SPOCK1: variants seen among roughly 807,000 people sequenced by gnomAD.
SPOCK1 encodes the protein SPARC (osteonectin), cwcv and kazal like domains proteoglycan 1, also known as testican-1.
Under a neutral mutation model 55.3 loss-of-function variants are expected in SPOCK1, and 23 were observed. That is an observed-to-expected ratio of 0.42 (90% CI 0.30 to 0.59). The LOEUF is 0.59. Ranked by LOEUF, SPOCK1 falls within the 20% of genes least tolerant of loss-of-function variation. SPOCK1 has a pLI of 0.22. For missense variants in SPOCK1, 499 were observed against 552.5 expected, an observed-to-expected ratio of 0.90 and a Z score of 0.97; for synonymous variants, 226 against 221.0, an observed-to-expected ratio of 1.02 and a Z score of -0.20.
chr5:137,099,568 A>G (rs1473991778), intron 5 of SPOCK1, among the ~76,000 whole-genome samples: 1 of 110,118 alleles, frequency 9.1e-6, no homozygotes, highest in African/African-American at 4.0e-5. Context: ...AAAAAAATAT[A>G]TATGTGTGTG....
chr5:137,168,149 A>C (rs1445731970), intron 3 of SPOCK1, among the ~76,000 whole-genome samples: 1 of 152,108 alleles, frequency 6.6e-6, no homozygotes, highest in Non-Finnish European at 1.5e-5. Context: ...TGGCACTGAG[A>C]AAACTGGATA....
At chr5:137,087,423 G>T (rs553735234) in intron 5 of SPOCK1, among the ~76,000 whole-genome samples, 1 of 152,256 alleles carries the variant, frequency 6.6e-6, no homozygotes. Flanking sequence ...GATCACAGAA[G>T]TAAAGTGCTT....
intron 2 of SPOCK1, among the ~76,000 whole-genome samples, chr5:137,419,971 A>G (rs1752449426): frequency 6.6e-6 from 1 of 152,212 alleles, no homozygotes; most frequent in Admixed American, 6.5e-5. Context: ...GATACGTCCC[A>G]TCAATACCAA....
intron 2 of SPOCK1, among the ~76,000 whole-genome samples, chr5:137,270,834 C>A (rs1323272024): frequency 3.3e-5 from 5 of 152,102 alleles, no homozygotes; most frequent in East Asian, 1.9e-4. Context: ...GAAACCATAT[C>A]TCTACTAACA....
intron 3 of SPOCK1, among the ~76,000 whole-genome samples, chr5:137,162,358 C>T (rs995653741): frequency 1.3e-5 from 2 of 151,922 alleles, no homozygotes; most frequent in African/African-American, 4.8e-5. Context: ...AAGCTGGTCT[C>T]GAACTCCTGA....
rs1752147909 is a variant in SPOCK1 at position 137,048,813 on chromosome 5, G to A, written c.589+18902C>T. 4.1e-5 allele frequency among the ~76,000 whole-genome samples: 4 copies of A among 97,494 alleles called. No homozygotes were observed. The Admixed American group carries it at 4.9e-4, about 12-fold the overall frequency. 64.0% of individuals were successfully genotyped at this position (97,494 alleles called of 152,430 possible). On this transcript the variant is annotated intron_variant, in intron 6 of 10. Transcript: ENST00000394945. Reference sequence around the variant, plus strand: ...CTTTCCATGTTTAGCGCTTCCTTCAGGAGCTCTTTTAGGGCAGGCCTGGTG... The same window carrying A: ...CTTTCCATGTTTAGCGCTTCCTTCAAGAGCTCTTTTAGGGCAGGCCTGGTG...
intron 3 of SPOCK1, among the ~76,000 whole-genome samples, chr5:137,175,975 T>C (rs1754843835): frequency 6.6e-6 from 1 of 152,224 alleles, no homozygotes; most frequent in Non-Finnish European, 1.5e-5. Flanking sequence ...AGGCTTGCAC[T>C]GCCCACATGT....
At chr5:137,226,384 C>T (rs925850574) in intron 3 of SPOCK1, among the ~76,000 whole-genome samples, 4 of 152,278 alleles carry the variant, frequency 2.6e-5, no homozygotes, top group African/African-American at 4.8e-5. Flanking sequence ...CTCCTTGCCC[C>T]GAGGGGTGAA....
chr5:137,339,000 T>C (rs192458265), intron 2 of SPOCK1, among the ~76,000 whole-genome samples: 73 of 152,312 alleles, frequency 4.8e-4, no homozygotes, highest in Non-Finnish European at 1.8e-4. Context: ...CTGACTTAAG[T>C]TGTCACATCA....
chr5:137,079,541 C>T (rs375781289), intron 5 of SPOCK1, among the ~76,000 whole-genome samples: 3,841 of 149,588 alleles, frequency 0.026, 172 homozygotes, highest in African/African-American at 0.057. Context: ...ATTCCCCCCC[C>T]CCCCGACTTA....
chr5:137,321,267 T>G (rs1003310129), intron 2 of SPOCK1, among the ~76,000 whole-genome samples: 1 of 147,588 alleles, frequency 6.8e-6, no homozygotes, highest in African/African-American at 2.5e-5. Flanking sequence ...AATAGGTATA[T>G]TATAGGTATT....
chr5:137,498,608 G>A, intron 1 of SPOCK1, 50 bp from the exon 2 acceptor site: 5 of 1,259,328 alleles, frequency 4.0e-6, no homozygotes, highest in Middle Eastern at 3.1e-4. Context: ...GGGCGGCCGC[G>A]AGCCCCGGGC....
intron 2 of SPOCK1, among the ~76,000 whole-genome samples, chr5:137,472,179 T>A (rs1753749985): frequency 1.3e-5 from 2 of 151,734 alleles, no homozygotes; most frequent in Non-Finnish European, 2.9e-5. Context: ...ACACTTGGAG[T>A]GGACCTTAGG....
At position 137,112,489 on chromosome 5, in the gene SPOCK1, G is replaced by A. The variant is rs146810579; in HGVS notation, c.420C>T (p.Pro140=). The A allele has an allele frequency of 7.0e-5, 113 of 1,613,882 alleles. No individual in the cohort carries two copies. The Middle Eastern group carries it at 1.4e-3, about 19-fold the overall frequency. ...CGCAGACCATGGCTGACTGTGCCAC[G>A]GGACAGGGCTTGCACTTGACCAAAT... ...PSNLVKCKPC[P]VAQSAMVCGS... is the part of the protein sequence containing the mutation. The change falls in exon 5 of 11, where the codon CCC becomes CCT. Residue 140 remains proline (P), a synonymous_variant. Transcript: ENST00000394945.
At chr5:136,995,990 C>T (rs1410610721) in intron 6 of SPOCK1, among the ~76,000 whole-genome samples, 1 of 152,192 alleles carries the variant, frequency 6.6e-6, no homozygotes, top group African/African-American at 2.4e-5. Context: ...GCACAGGTTG[C>T]CTGGAGCTTG....
chr5:137,450,712 T>C (rs1753237633), intron 2 of SPOCK1, among the ~76,000 whole-genome samples: 1 of 152,136 alleles, frequency 6.6e-6, no homozygotes, highest in Non-Finnish European at 1.5e-5. Flanking sequence ...TCTCCCTCTT[T>C]TTTCCTGATA....
intron 3 of SPOCK1, among the ~76,000 whole-genome samples, chr5:137,212,407 T>C (rs915148328): frequency 4.6e-5 from 7 of 152,194 alleles, no homozygotes; most frequent in Non-Finnish European, 1.0e-4. Context: ...TTGCAATATA[T>C]TGCAACTAAT....
At chr5:137,140,759 T>G in intron 3 of SPOCK1, 65 bp from the exon 4 acceptor site, 3 of 1,108,956 alleles carry the variant, frequency 2.7e-6, no homozygotes, top group Non-Finnish European at 3.7e-6. Context: ...TTTTTTTTTT[T>G]TTTTTTTTTT....
At chr5:137,474,979 G>T (rs1032090859) in intron 2 of SPOCK1, among the ~76,000 whole-genome samples, 3 of 152,160 alleles carry the variant, frequency 2.0e-5, no homozygotes, top group African/African-American at 7.2e-5. Flanking sequence ...TATTCACATG[G>T]TCTCAAACTT....
Sources: gnomAD v4.1 joint callset for allele counts (sites outside exome capture counted in the v4.1 genomes callset) on GRCh38, gnomAD v4.1.1 for gene constraint, MANE v1.5 for transcripts, NCBI Gene and HGNC (gene_info 2026-07-23, HGNC 2026-07-21) for gene names.